Variants in TECPR2 observed in about 807,000 individuals in gnomAD.
TECPR2 encodes the protein tectonin beta-propeller repeat containing 2, also known as tectonin beta-propeller repeat-containing protein 2.
A neutral mutation model predicts 138.1 loss-of-function variants in TECPR2; 65 were observed. That is an observed-to-expected ratio of 0.47 (90% CI 0.39 to 0.58). The LOEUF (loss-of-function observed/expected upper bound fraction) is 0.58. TECPR2 is among the 20% of genes least tolerant of loss of function. The pLI is 0.00. For synonymous variants in TECPR2, 746 were observed against 749.8 expected (o/e 0.99, Z 0.08); for missense variants, 1,553 against 1,824.5 (o/e 0.85, Z 2.71).
At chr14:102,431,150 A>G (rs1380782327) in intron 7 of TECPR2, among the ~76,000 whole-genome samples, 1 of 150,332 alleles carries the variant, frequency 6.7e-6, no homozygotes, top group Admixed American at 6.6e-5. Flanking sequence ...CAGCCTCCCA[A>G]GTAGCTGGGA....
Position 102,497,154 on chromosome 14 carries a change from C to T in TECPR2, c.3931+34C>T, listed in dbSNP as rs1294749557. The T allele has an allele frequency of 9.4e-6, 15 of 1,596,486 alleles. 1 individual carries two copies. Among genetic ancestry groups the T allele is most frequent in the African/African-American group, 8.0e-5 (6 of 74,816 alleles). ...CTGCAGACAGGGCCTGTGGTGCCGG[C>T]CAGCCGGGGCTACCATCACTGGGGG... On this transcript the variant is annotated intron_variant, in intron 18 of 19. Coordinates refer to ENST00000359520, the MANE Select transcript of TECPR2 (RefSeq NM_014844.5).
intron 2 of TECPR2, among the ~76,000 whole-genome samples, chr14:102,380,232 C>T (rs1887765015): frequency 6.6e-6 from 1 of 152,166 alleles, no homozygotes; most frequent in African/African-American, 2.4e-5. Flanking sequence ...AATCCATGCA[C>T]AGAGGCGTCC....
chr14:102,391,319 C>G (rs1046230974), intron 2 of TECPR2, among the ~76,000 whole-genome samples: 9 of 152,192 alleles, frequency 5.9e-5, no homozygotes, highest in Non-Finnish European at 1.0e-4. Flanking sequence ...CTCGGCCTCC[C>G]AAAGTGCTGG....
chr14:102,467,068 T>C (rs552990928), intron 17 of TECPR2, among the ~76,000 whole-genome samples: 1 of 152,330 alleles, frequency 6.6e-6, no homozygotes, highest in South Asian at 2.1e-4. Context: ...ATTTCACCAG[T>C]GGATGGACAT....
chr14:102,482,130 T>A (rs537125322), intron 17 of TECPR2, among the ~76,000 whole-genome samples: 1 of 152,122 alleles, frequency 6.6e-6, no homozygotes, highest in African/African-American at 2.4e-5. Context: ...CTCTGCTCAC[T>A]GCAACCTCCA....
At chr14:102,390,480 C>T (rs188259774) in intron 2 of TECPR2, among the ~76,000 whole-genome samples, 12 of 151,914 alleles carry the variant, frequency 7.9e-5, no homozygotes, top group Admixed American at 7.2e-4. Context: ...AGAATGGCTC[C>T]CTGGCTAGAA....
Position 102,498,269 on chromosome 14 carries a change from C to T in TECPR2, c.*12C>T. 2 of 1,596,082 alleles carry T rather than the reference C, an allele frequency of 1.3e-6. No homozygotes were observed. The highest frequency in any genetic ancestry group is 1.8e-4 in the Middle Eastern group (1 of 5,678). On this transcript the variant is annotated 3_prime_UTR_variant, in exon 20 of 20. Transcript: ENST00000359520. The stretch of plus-strand genomic sequence containing the variant: ...GGGAGGTCATCTGAAGGAGCCCTGG[C>T]CGAGTCACGCGGAGGGGCCCGGCGT...
chr14:102,446,041 T>A, intron 13 of TECPR2, 94 bp downstream of exon 13: 1 of 1,366,140 alleles, frequency 7.3e-7, no homozygotes, highest in Non-Finnish European at 9.9e-7. Context: ...GATACTAGAT[T>A]AAATTTAAAA....
At chr14:102,427,350 T>C (rs1260571675) in intron 6 of TECPR2, among the ~76,000 whole-genome samples, 1 of 152,178 alleles carries the variant, frequency 6.6e-6, no homozygotes, top group Non-Finnish European at 1.5e-5. Flanking sequence ...CTTCATTTTA[T>C]AGGTAGAGAA....
intron 2 of TECPR2, among the ~76,000 whole-genome samples, chr14:102,397,203 T>TCA (rs1222062946): frequency 1.3e-5 from 2 of 152,026 alleles, no homozygotes; most frequent in East Asian, 1.9e-4. Flanking sequence ...ACAAAAAGAA[T>TCA]CACACACACA....
intron 7 of TECPR2, among the ~76,000 whole-genome samples, chr14:102,428,985 T>A (rs1290155036): frequency 6.6e-6 from 1 of 151,932 alleles, no homozygotes; most frequent in African/African-American, 2.4e-5. Context: ...GTAGCTGGGA[T>A]TACAGGCATG....
chr14:102,383,816 A>T (rs1016075155), intron 2 of TECPR2, among the ~76,000 whole-genome samples: 2 of 152,182 alleles, frequency 1.3e-5, no homozygotes, highest in African/African-American at 2.4e-5. Context: ...TGAAACTACA[A>T]ATTACATCTG....
At chr14:102,497,819 C>G in intron 19 of TECPR2, 100 bp downstream of exon 19, 1 of 1,398,988 alleles carries the variant, frequency 7.1e-7, no homozygotes, top group Non-Finnish European at 9.5e-7. Flanking sequence ...CCACTGGGCT[C>G]CAATCTCTCA....
At chr14:102,398,554 CA>C (rs921650943) in intron 2 of TECPR2, among the ~76,000 whole-genome samples, 6 of 152,180 alleles carry the variant, frequency 3.9e-5, no homozygotes, top group African/African-American at 1.4e-4. Flanking sequence ...ATCAAACTCC[CA>C]AAAGCGAAAA....
chr14:102,493,669 G>T (rs189436687), intron 17 of TECPR2, among the ~76,000 whole-genome samples: 5 of 152,200 alleles, frequency 3.3e-5, no homozygotes, highest in Non-Finnish European at 7.3e-5. Flanking sequence ...TGGTCCCTGG[G>T]GACTCGGTCC....
chr14:102,431,899 TTCCATGGCCAGC>T lies in TECPR2; in HGVS notation c.1192_1203del (p.Met398_Ser401del). The T allele has an allele frequency of 6.2e-7, 1 of 1,609,546 alleles. No individual in the cohort carries two copies. The highest frequency in any genetic ancestry group is 8.5e-7 in the Non-Finnish European group (1 of 1,176,380). On this transcript the variant is annotated inframe_deletion, in exon 8 of 20. Coordinates refer to ENST00000359520, the MANE Select transcript of TECPR2 (RefSeq NM_014844.5). ...TTTCTGAGACGAGGCTCAGAGGCTC[TTCCATGGCCAGC>T]TCCGTGGCCAGCGAGCCAAGGAGCA...
chr14:102,402,211 CA>C lies in TECPR2; in HGVS notation c.220-5125del, dbSNP rs1470453277. ...ACAAAGTATGTTCTTATTGCAACCA[CA>C]ACAGGATAAAGTTAGAAATCAGTAA... is the stretch of plus-strand genomic sequence containing the variant. On this transcript the variant is annotated intron_variant, in intron 2 of 19. Transcript: ENST00000359520. Among the ~76,000 whole-genome samples, 8 of 152,248 alleles carry C rather than the reference CA, an allele frequency of 5.3e-5. No individual in the cohort carries two copies. In the East Asian group the frequency reaches 1.5e-3, roughly 29 times the overall value.
At chr14:102,497,160 G>A (rs773432890) in intron 18 of TECPR2, 40 bp downstream of exon 18, 38 of 1,592,884 alleles carry the variant, frequency 2.4e-5, no homozygotes, top group Admixed American at 8.5e-5. Context: ...CCGGCCAGCC[G>A]GGGCTACCAT....
Position 102,458,417 on chromosome 14 carries a change from T to G in TECPR2, c.3640+5790T>G, listed in dbSNP as rs189559675. Among the ~76,000 whole-genome samples, 37 of 152,284 alleles carry G rather than the reference T, an allele frequency of 2.4e-4. No individual in the cohort carries two copies. The East Asian group carries it at 6.2e-3, about 25-fold the overall frequency. On this transcript the variant is annotated intron_variant, in intron 16 of 19. Coordinates refer to ENST00000359520, the MANE Select transcript of TECPR2 (RefSeq NM_014844.5). Reference sequence around the variant, plus strand: ...TCCTCAAACCCAGCTCAGATGGTGTTGCCCTCCACGTTACATGGCTCCACG... The same window carrying G: ...TCCTCAAACCCAGCTCAGATGGTGTGGCCCTCCACGTTACATGGCTCCACG...
Sources: gnomAD v4.1 joint callset for allele counts (sites outside exome capture counted in the v4.1 genomes callset) on GRCh38, gnomAD v4.1.1 for gene constraint, MANE v1.5 for transcripts, NCBI Gene and HGNC (gene_info 2026-07-23, HGNC 2026-07-21) for gene names.